Variants in ADGRF5 observed in about 807,000 individuals in gnomAD.
ADGRF5 encodes the protein adhesion G protein-coupled receptor F5.
Under a neutral mutation model 132.3 loss-of-function variants are expected in ADGRF5, and 75 were observed. The observed-to-expected ratio is 0.57, with a 90% confidence interval of 0.47 to 0.69. The LOEUF (loss-of-function observed/expected upper bound fraction) is 0.69. Among genes scored for constraint, ADGRF5 ranks in the 30% least tolerant of loss-of-function variants. The probability of loss-of-function intolerance (pLI) is 0.00; values close to 1 mark genes in which losing one functional copy is unlikely to be tolerated. For synonymous variants in ADGRF5, 629 were observed against 597.6 expected, an observed-to-expected ratio of 1.05 and a Z score of -0.77; for missense variants, 1,516 against 1,630.6, an observed-to-expected ratio of 0.93 and a Z score of 1.21.
Position 46,884,070 on chromosome 6 carries a change from G to A in ADGRF5, c.505+25C>T, listed in dbSNP as rs760413197. ...AACTGATGTTGAATAGCCACTCAAC[G>A]AGCATTTAATGAGCAGTTACTTACC... is the stretch of plus-strand genomic sequence containing the variant. On this transcript the variant is annotated intron_variant, in intron 5 of 20. Transcript: ENST00000283296. The A allele has an allele frequency of 1.8e-5, 28 of 1,595,588 alleles. 1 individual carries two copies. In the Middle Eastern group the frequency reaches 1.7e-3, roughly 95 times the overall value.
At chr6:46,889,783 T>A (rs1219692674) in intron 3 of ADGRF5, among the ~76,000 whole-genome samples, 1 of 21,978 alleles carries the variant, frequency 4.6e-5, no homozygotes, top group Non-Finnish European at 1.4e-4. Context: ...TGTGTGTGTA[T>A]ATATATATAT....
chr6:46,929,923 C>G (rs1379664050), intron 1 of ADGRF5, among the ~76,000 whole-genome samples: 2 of 152,094 alleles, frequency 1.3e-5, no homozygotes, highest in African/African-American at 4.8e-5. Flanking sequence ...CGGGATCAAG[C>G]AATTCTCCTG....
At chr6:46,909,462 T>A (rs555715649) in intron 1 of ADGRF5, among the ~76,000 whole-genome samples, 1 of 152,342 alleles carries the variant, frequency 6.6e-6, no homozygotes, top group African/African-American at 2.4e-5. Context: ...CCTCTGACTC[T>A]ATTTTCCTGT....
chr6:46,881,361 TCTAGCTTCCCAGAGGA>T (rs1242962000), intron 8 of ADGRF5, 78 bp downstream of exon 8: 40 of 1,106,082 alleles, frequency 3.6e-5, no homozygotes, highest in Non-Finnish European at 5.4e-5. Flanking sequence ...AACTGGAGTG[TCTAGCTTCCCAGAGGA>T]CATTGTAGCA....
At position 46,856,741 on chromosome 6, in the gene ADGRF5, T is replaced by G; in HGVS notation, c.3853A>C (p.Arg1285=). 1 of 1,555,408 alleles carries G rather than the reference T, an allele frequency of 6.4e-7. No individual in the cohort carries two copies. Among genetic ancestry groups the G allele is most frequent in the Non-Finnish European group, 8.9e-7 (1 of 1,127,856 alleles). The change falls in exon 19 of 21, where the codon AGA becomes CGA. Residue 1285 remains arginine (R), a synonymous_variant. Transcript: ENST00000283296. ...ACCTTTGAGTGCTGTGAAGACCATC[T>G]CGACAATGAAAACTTATTCAGCAAA... ...EALLNKFSLS[R]WSSQHSKSTS... is the part of the protein sequence containing the mutation.
At chr6:46,904,984 C>T (rs1342397098) in intron 2 of ADGRF5, among the ~76,000 whole-genome samples, 4 of 152,186 alleles carry the variant, frequency 2.6e-5, no homozygotes, top group Non-Finnish European at 4.4e-5. Flanking sequence ...ACCAAGATCT[C>T]TAGGAGGTCA....
intron 1 of ADGRF5, among the ~76,000 whole-genome samples, chr6:46,928,232 A>G (rs1365399411): frequency 1.3e-5 from 2 of 152,120 alleles, no homozygotes; most frequent in Non-Finnish European, 2.9e-5. Context: ...GGGAATTCCT[A>G]AGGATGTTTA....
At chr6:46,899,362 A>G (rs2150879256) in intron 3 of ADGRF5, among the ~76,000 whole-genome samples, 1 of 152,116 alleles carries the variant, frequency 6.6e-6, no homozygotes, top group Middle Eastern at 3.4e-3. Flanking sequence ...ACAGGATCCG[A>G]TTTGTGCTTT....
Position 46,858,544 on chromosome 6 carries a change from T to C in ADGRF5, c.3359A>G (p.His1120Arg), listed in dbSNP as rs769904085. The change falls in exon 17 of 21, where the codon CAT becomes CGT. Residue 1120 changes from histidine (H) to arginine (R), a missense_variant. Physicochemically the swap from His to Arg is conservative, Grantham distance 29. Transcript: ENST00000283296. ...MLFYRLVFIL[H>R]ETSRSTQKAI... ...TTTCTGAGTGGACCTGCTTGTTTCATGCAGAATGAAAACCAGGCGATAGAA... is the reference window on the plus strand; with the variant it reads ...TTTCTGAGTGGACCTGCTTGTTTCACGCAGAATGAAAACCAGGCGATAGAA... 4.3e-6 allele frequency: 7 copies of C among 1,613,722 alleles called. No individual in the cohort carries two copies. The highest frequency in any genetic ancestry group is 2.7e-5 in the African/African-American group (2 of 74,868).
chr6:46,914,983 GT>G (rs1461208706), intron 1 of ADGRF5, among the ~76,000 whole-genome samples: 3 of 151,944 alleles, frequency 2.0e-5, no homozygotes, highest in Non-Finnish European at 4.4e-5. Flanking sequence ...AGCCTCCCAA[GT>G]AGCTGAGACT....
rs1307532716 is a variant in ADGRF5, at chr6:46,858,765, A to C, written c.3138T>G (p.Thr1046=). Residue 1046 remains threonine, a synonymous_variant, in exon 17 of 21, where the codon ACT becomes ACG. Transcript: ENST00000283296. The part of the protein sequence containing the change: ...VVWKSVTKNR[T]SYMRHTCIVN... Reference sequence around the variant, plus strand: ...CTATGCAGGTGTGGCGCATATAAGAAGTCCGGTTCTTGGTCACCGATTTCC... The same window carrying C: ...CTATGCAGGTGTGGCGCATATAAGACGTCCGGTTCTTGGTCACCGATTTCC... 8.7e-6 allele frequency: 14 copies of C among 1,613,468 alleles called. No individual in the cohort carries two copies. Among genetic ancestry groups the C allele is most frequent in the Middle Eastern group, 1.6e-4 (1 of 6,082 alleles).
At chr6:46,946,064 A>T (rs1335996883) in intron 1 of ADGRF5, among the ~76,000 whole-genome samples, 1 of 152,208 alleles carries the variant, frequency 6.6e-6, no homozygotes, top group African/African-American at 2.4e-5. Flanking sequence ...GCCAAACTAT[A>T]TCAACAGAGA....
At position 46,871,858 on chromosome 6, in the gene ADGRF5, T is replaced by A; in HGVS notation, c.1396A>T (p.Thr466Ser). Residue 466 changes from threonine to serine, a missense_variant, in exon 11 of 21, where the codon ACA becomes TCA. Transcript: ENST00000283296. The part of the protein sequence containing the change: ...GARGSANIKV[T>S]FISVANLTIT... ...GAGTCCTTACCCACAGAGATGAATG[T>A]CACTTTTATGTTTGCACTGCCTCTG... 2 of 1,597,460 alleles carry A rather than the reference T, an allele frequency of 1.3e-6. No individual in the cohort carries two copies. The highest frequency in any genetic ancestry group is 1.7e-6 in the Non-Finnish European group (2 of 1,167,170).
At chr6:46,947,687 C>T (rs1340863055) in intron 1 of ADGRF5, among the ~76,000 whole-genome samples, 1 of 152,208 alleles carries the variant, frequency 6.6e-6, no homozygotes, top group African/African-American at 2.4e-5. Flanking sequence ...TTCGGACATT[C>T]GCAACCTGCC....
At chr6:46,909,007 G>A (rs1459082878) in intron 1 of ADGRF5, 1 of 152,136 alleles carries the variant, frequency 6.6e-6, no homozygotes, top group Non-Finnish European at 1.5e-5. Flanking sequence ...CCACACTTGG[G>A]TAGAGACCTA....
chr6:46,855,913 G>A, intron 20 of ADGRF5, 61 bp downstream of exon 20: 1 of 941,410 alleles, frequency 1.1e-6, no homozygotes, highest in East Asian at 2.4e-5. Flanking sequence ...GGGTGTTGAG[G>A]CTCCCCATTT....
Position 46,859,003 on chromosome 6 carries a change from C to G in ADGRF5, c.2900G>C (p.Gly967Ala), listed in dbSNP as rs1416697935. The change falls in exon 17 of 21, where the codon GGG (glycine) becomes GCG (alanine). Residue 967 changes from glycine (G) to alanine (A), a missense_variant. By Grantham distance (60) the Gly-to-Ala change is moderately conservative (BLOSUM62 0). This residue lies in a region of ADGRF5 where 571 missense variants were observed against 701.2 expected (regional missense o/e 0.81). Coordinates refer to ENST00000283296, the MANE Select transcript of ADGRF5 (RefSeq NM_001098518.2). The part of the protein sequence containing the change: ...WNFRLANNTG[G>A]WDSSGCYVEE... ...TACATAGCACCCACTGCTGTCCCACCCCCCTGTGTTGTTGGCAAGCCTGAA... is the reference window on the plus strand; with the variant it reads ...TACATAGCACCCACTGCTGTCCCACGCCCCTGTGTTGTTGGCAAGCCTGAA... The G allele has an allele frequency of 1.2e-6, 2 of 1,614,148 alleles. No homozygotes were observed. The highest frequency in any genetic ancestry group is 4.5e-5 in the East Asian group (2 of 44,872).
intron 1 of ADGRF5, among the ~76,000 whole-genome samples, chr6:46,921,435 A>AG (rs1350463041): frequency 1.3e-5 from 2 of 151,962 alleles, no homozygotes; most frequent in Admixed American, 6.6e-5. Flanking sequence ...TGAAAAAAAA[A>AG]AAGTCTGTTA....
Position 46,856,892 on chromosome 6 carries a change from A to G in ADGRF5, c.3791T>C (p.Leu1264Pro). 6.2e-7 allele frequency: 1 copy of G among 1,608,504 alleles called. No individual in the cohort carries two copies. The highest frequency in any genetic ancestry group is 1.1e-5 in the South Asian group (1 of 90,912). Residue 1264 changes from leucine (L) to proline (P), a missense_variant, in exon 18 of 21, where the codon CTC (leucine) becomes CCC (proline). Leu to Pro is a moderately conservative substitution (Grantham distance 98, BLOSUM62 -3). Around this residue, in one of 2 missense-constraint regions of ADGRF5, gnomAD observed 571 missense variants for 701.2 expected, o/e 0.81. Transcript: ENST00000283296. ...CTTCAGATCCCAGAGGCATCCAAAG[A>G]GTAAAATGAATAATCCCTGAGAAAA... ...LNVFQGLFILLFGCLWDLKVQ... is the reference protein window; with the variant it reads ...LNVFQGLFILPFGCLWDLKVQ...
Sources: gnomAD v4.1 joint callset for allele counts (sites outside exome capture counted in the v4.1 genomes callset) on GRCh38, gnomAD v4.1.1 for gene constraint, gnomAD v4.1.1 regional missense constraint, MANE v1.5 for transcripts, NCBI Gene and HGNC (gene_info 2026-07-23, HGNC 2026-07-21) for gene names.